Variants in CPED1 observed in about 807,000 individuals in gnomAD.
CPED1 encodes cadherin-like and PC-esterase domain-containing protein 1.
CPED1 carries 114 observed loss-of-function variants against 128.2 expected under a neutral mutation model. That is an observed-to-expected ratio of 0.89 (90% CI 0.76 to 1.04). The LOEUF is 1.04. Among genes scored for constraint, CPED1 ranks in the 50% least tolerant of loss-of-function variants. CPED1 has a pLI of 0.00. For synonymous variants in CPED1, 462 were observed against 426.7 expected, an observed-to-expected ratio of 1.08 and a Z score of -1.02; for missense variants, 1,211 against 1,207.1, an observed-to-expected ratio of 1.00 and a Z score of -0.05.
At chr7:121,154,400 TTC>T (rs1796232946) in intron 16 of CPED1, among the ~76,000 whole-genome samples, 1 of 152,210 alleles carries the variant, frequency 6.6e-6, no homozygotes, top group African/African-American at 2.4e-5. Context: ...CCTTTAAATT[TTC>T]TGTTCAGTAC....
chr7:121,185,021 A>G (rs535569445), intron 16 of CPED1, among the ~76,000 whole-genome samples: 1 of 152,262 alleles, frequency 6.6e-6, no homozygotes, highest in Non-Finnish European at 1.5e-5. Context: ...TTAAAATCAC[A>G]CACCAGCTTT....
At chr7:121,078,226 A>G (rs1462396148) in intron 5 of CPED1, among the ~76,000 whole-genome samples, 1 of 151,650 alleles carries the variant, frequency 6.6e-6, no homozygotes, top group South Asian at 2.1e-4. Context: ...TGTATTTTTG[A>G]TAGAGATGGG....
chr7:121,190,817 T>A (rs1203843309), intron 16 of CPED1, among the ~76,000 whole-genome samples: 1 of 152,302 alleles, frequency 6.6e-6, no homozygotes. Context: ...AAAGCAGCTC[T>A]GGATTATTCT....
rs116874351 is a variant in CPED1 at position 121,070,634 on chromosome 7, G to A, written c.616+6321G>A. On this transcript the variant is annotated intron_variant, in intron 5 of 22. Transcript: ENST00000310396. ...AAACCCAATGAATTTCTAATTGGTA[G>A]AATTTCTGGAAGTGCATTCAAATTC... 8.7e-3 allele frequency among the ~76,000 whole-genome samples: 1,318 copies of A among 152,236 alleles called. 10 individuals carry two copies. Among genetic ancestry groups the A allele is most frequent in the Non-Finnish European group, 0.013 (912 of 68,010 alleles).
chr7:121,229,089 A>G (rs570195862), intron 16 of CPED1, among the ~76,000 whole-genome samples: 1 of 152,132 alleles, frequency 6.6e-6, no homozygotes, highest in South Asian at 2.1e-4. Flanking sequence ...GGGTGACTAC[A>G]GCTAACAAAA....
intron 5 of CPED1, among the ~76,000 whole-genome samples, chr7:121,082,072 A>ATTTC: frequency 6.6e-6 from 1 of 152,150 alleles, no homozygotes; most frequent in African/African-American, 2.4e-5. Context: ...CAGGAATCCT[A>ATTTC]TGGCCCAGGC....
At chr7:121,169,432 G>T (rs1236399257) in intron 16 of CPED1, among the ~76,000 whole-genome samples, 1 of 152,134 alleles carries the variant, frequency 6.6e-6, no homozygotes, top group Non-Finnish European at 1.5e-5. Flanking sequence ...GGATGGCATT[G>T]AATTAGATTT....
At chr7:121,098,218 TAAGAAAGCATCTGCTGTG>T (rs1794748085) in intron 6 of CPED1, among the ~76,000 whole-genome samples, 1 of 152,160 alleles carries the variant, frequency 6.6e-6, no homozygotes, top group Admixed American at 6.6e-5. Flanking sequence ...TCTTAGCATC[TAAGAAAGCATCTGCTGTG>T]TATCAAGTTA....
chr7:121,252,738 G>T (rs947493196), intron 18 of CPED1, among the ~76,000 whole-genome samples: 9 of 152,124 alleles, frequency 5.9e-5, no homozygotes, highest in African/African-American at 2.2e-4. Context: ...GGCCATCAGA[G>T]AAATGCAAAT....
At chr7:121,079,108 C>A (rs1365878034) in intron 5 of CPED1, among the ~76,000 whole-genome samples, 1 of 152,174 alleles carries the variant, frequency 6.6e-6, no homozygotes, top group Non-Finnish European at 1.5e-5. Context: ...TCCTTAAAGG[C>A]CCTATCTTCA....
At chr7:121,170,349 G>T (rs547404511) in intron 16 of CPED1, among the ~76,000 whole-genome samples, 1 of 152,102 alleles carries the variant, frequency 6.6e-6, no homozygotes, top group Non-Finnish European at 1.5e-5. Context: ...TGGAGTAGCT[G>T]AATTTTTCTG....
In CPED1 at chr7:121,140,747, GAAA is replaced by G; in HGVS notation, c.1700-77_1700-75del. 4.0e-6 allele frequency: 4 copies of G among 999,672 alleles called. No homozygotes were observed. The South Asian group carries it at 6.2e-5, about 16-fold the overall frequency. The allele number at this position is 999,672 out of a possible 1,614,324, so 61.9% of individuals were successfully genotyped here. On this transcript the variant is annotated intron_variant, in intron 14 of 22. Transcript: ENST00000310396. Reference sequence around the variant, plus strand: ...AAGTTGTTCAAAGGAAACAGAAAAAGAAAAACCTAATCATATATTATTTAAAGA... The same window carrying G: ...AAGTTGTTCAAAGGAAACAGAAAAAGAACCTAATCATATATTATTTAAAGA...
At chr7:121,004,768 G>A (rs943684167) in intron 2 of CPED1, among the ~76,000 whole-genome samples, 5 of 151,954 alleles carry the variant, frequency 3.3e-5, no homozygotes, top group African/African-American at 9.7e-5. Context: ...TTTTCTGAGC[G>A]ATAAACAGAG....
At chr7:121,205,971 G>A (rs148777726) in intron 16 of CPED1, among the ~76,000 whole-genome samples, 5 of 152,174 alleles carry the variant, frequency 3.3e-5, no homozygotes, top group African/African-American at 4.8e-5. Context: ...GGACAGGGAA[G>A]CCTCCACTAG....
At chr7:121,108,042 C>T (rs984623999) in intron 7 of CPED1, among the ~76,000 whole-genome samples, 6 of 151,968 alleles carry the variant, frequency 3.9e-5, no homozygotes, top group African/African-American at 7.2e-5. Flanking sequence ...GAAGAAACAG[C>T]AATCTTTTTT....
chr7:121,060,501 A>G (rs771209591), intron 4 of CPED1, among the ~76,000 whole-genome samples: 9 of 152,190 alleles, frequency 5.9e-5, no homozygotes, highest in Non-Finnish European at 1.0e-4. Context: ...AAACACACCA[A>G]TCAGCACCCT....
At chr7:121,050,609 G>A (rs1205475866) in intron 4 of CPED1, among the ~76,000 whole-genome samples, 7 of 152,096 alleles carry the variant, frequency 4.6e-5, no homozygotes, top group South Asian at 2.1e-4. Flanking sequence ...GATTACAGGC[G>A]TCTGCCACCA....
rs183642241 is a variant in CPED1 at position 121,057,834 on chromosome 7, G to T, written c.541-6404G>T. Among the ~76,000 whole-genome samples, 25 of 152,272 alleles carry T rather than the reference G, an allele frequency of 1.6e-4. No individual in the cohort carries two copies. The East Asian group carries it at 4.6e-3, about 28-fold the overall frequency. On this transcript the variant is annotated intron_variant, in intron 4 of 22. Coordinates refer to ENST00000310396, the MANE Select transcript of CPED1 (RefSeq NM_024913.5). The stretch of plus-strand genomic sequence containing the variant: ...TACTGGGAAGCTTAGACATTTATGG[G>T]TAGACGGGGGAAAATAGTCGCTAAG...
intron 16 of CPED1, among the ~76,000 whole-genome samples, chr7:121,183,962 A>G (rs1796949765): frequency 6.6e-6 from 1 of 152,086 alleles, no homozygotes; most frequent in Non-Finnish European, 1.5e-5. Context: ...CAACATAGTG[A>G]AACCCTGTTT....
Sources: allele counts gnomAD v4.1 joint callset (sites outside exome capture counted in the v4.1 genomes callset), GRCh38; gene constraint gnomAD v4.1.1; transcripts MANE v1.5; gene names NCBI Gene and HGNC (gene_info 2026-07-23, HGNC 2026-07-21).